Variants in TRDN observed in about 807,000 individuals in gnomAD.
The protein encoded by TRDN is triadin.
In TRDN, 161 loss-of-function variants were observed where a neutral mutation model predicts 149.7. The ratio of observed to expected loss-of-function variants is 1.08; its 90% CI spans 0.95 to 1.23. The LOEUF is 1.23. Ranked by LOEUF, TRDN falls within the 50% of genes most tolerant of loss-of-function variation. The probability of loss-of-function intolerance (pLI) is 0.00; values close to 1 mark genes in which losing one functional copy is unlikely to be tolerated. For synonymous variants in TRDN, 294 were observed against 250.5 expected (o/e 1.17, Z -1.64); for missense variants, 896 against 823.5 (o/e 1.09, Z -1.08).
At chr6:123,262,663 C>T (rs1489381935) in intron 33 of TRDN, among the ~76,000 whole-genome samples, 1 of 151,962 alleles carries the variant, frequency 6.6e-6, no homozygotes, top group Non-Finnish European at 1.5e-5. Flanking sequence ...TATGATTAAG[C>T]CTATTGGTGT....
intron 9 of TRDN, 41 bp downstream of exon 9, chr6:123,497,152 A>C (rs755844286): frequency 1.5e-5 from 22 of 1,445,194 alleles, no homozygotes; most frequent in Non-Finnish European, 2.0e-5. Flanking sequence ...TTAGAAACAA[A>C]GACTATTAAA....
At chr6:123,377,835 T>C (rs185479239) in intron 17 of TRDN, 31 bp downstream of exon 17, 4 of 1,600,980 alleles carry the variant, frequency 2.5e-6, no homozygotes, top group East Asian at 4.5e-5. Context: ...ATTATGAAAT[T>C]GTGAGAACAG....
At chr6:123,343,622 C>T (rs1240631408) in intron 21 of TRDN, among the ~76,000 whole-genome samples, 2 of 151,898 alleles carry the variant, frequency 1.3e-5, no homozygotes, top group African/African-American at 2.4e-5. Context: ...GTGAACTGGA[C>T]TAATTCTTCG....
chr6:123,483,251 T>C (rs565764152), intron 9 of TRDN, among the ~76,000 whole-genome samples: 3 of 151,318 alleles, frequency 2.0e-5, no homozygotes, highest in South Asian at 2.1e-4. Flanking sequence ...TACAGGCGTG[T>C]GCCACCATGC....
chr6:123,274,045 C>T (rs922628369), intron 27 of TRDN, among the ~76,000 whole-genome samples: 4 of 152,046 alleles, frequency 2.6e-5, no homozygotes, highest in African/African-American at 9.7e-5. Flanking sequence ...CTAGCTTCAA[C>T]ATTGATTAAC....
intron 33 of TRDN, among the ~76,000 whole-genome samples, chr6:123,260,905 TA>T (rs1776747614): frequency 6.6e-6 from 1 of 151,650 alleles, no homozygotes. Flanking sequence ...ATAGGTTAGA[TA>T]GAATAAACAA....
intron 24 of TRDN, among the ~76,000 whole-genome samples, chr6:123,287,572 T>C (rs911282363): frequency 6.6e-6 from 1 of 152,148 alleles, no homozygotes; most frequent in East Asian, 1.9e-4. Context: ...GTATATATTA[T>C]GTTTCAGCAA....
chr6:123,518,425 A>C (rs1779515148), intron 5 of TRDN, among the ~76,000 whole-genome samples: 1 of 152,172 alleles, frequency 6.6e-6, no homozygotes. Context: ...GGGGGAACCA[A>C]GTTTGTGTGA....
In TRDN at chr6:123,358,245, C is replaced by A. The variant is rs977517947; in HGVS notation, c.1322-5659G>T. Among the ~76,000 whole-genome samples the A allele has an allele frequency of 4.6e-5, 7 of 152,218 alleles. No homozygotes were observed. In the East Asian group the frequency reaches 1.4e-3, roughly 29 times the overall value. ...GAAATCAAAACTAATGTAAAGGAGACAAAGCAGCTAACACACTTGGTATGT... is the reference window on the plus strand; with the variant it reads ...GAAATCAAAACTAATGTAAAGGAGAAAAAGCAGCTAACACACTTGGTATGT... On this transcript the variant is annotated intron_variant, in intron 20 of 40. Transcript: ENST00000334268.
chr6:123,477,723 T>C (rs1273457235), intron 9 of TRDN, among the ~76,000 whole-genome samples: 1 of 152,098 alleles, frequency 6.6e-6, no homozygotes, highest in Non-Finnish European at 1.5e-5. Flanking sequence ...TGGAATACTA[T>C]GCACCATAAA....
chr6:123,455,611 CTT>C (rs1437638680), intron 10 of TRDN, among the ~76,000 whole-genome samples: 2 of 152,262 alleles, frequency 1.3e-5, no homozygotes, highest in East Asian at 3.9e-4. Context: ...GCACTTATCT[CTT>C]TAGATAACTC....
At chr6:123,435,282 C>T (rs1774507003) in intron 12 of TRDN, among the ~76,000 whole-genome samples, 1 of 151,940 alleles carries the variant, frequency 6.6e-6, no homozygotes, top group Non-Finnish European at 1.5e-5. Flanking sequence ...TGTTCCTCTA[C>T]TTTAGGAAGA....
At chr6:123,531,797 T>C (rs1336635125) in intron 4 of TRDN, among the ~76,000 whole-genome samples, 1 of 152,074 alleles carries the variant, frequency 6.6e-6, no homozygotes, top group Non-Finnish European at 1.5e-5. Context: ...TCTCCAAATT[T>C]TACTCTACAG....
intron 1 of TRDN, among the ~76,000 whole-genome samples, chr6:123,621,245 G>A (rs971584015): frequency 6.6e-6 from 1 of 152,024 alleles, no homozygotes; most frequent in Non-Finnish European, 1.5e-5. Context: ...TTTTCTCTCT[G>A]CTCCTCCAAA....
intron 2 of TRDN, among the ~76,000 whole-genome samples, chr6:123,553,050 T>C (rs763644142): frequency 3.9e-5 from 6 of 152,170 alleles, no homozygotes; most frequent in Non-Finnish European, 8.8e-5. Flanking sequence ...ATACATGAGA[T>C]AATATAGACA....
chr6:123,218,516 C>T lies in TRDN; in HGVS notation c.*85G>A, dbSNP rs537901669. ...GTTTTCACAGAAATTCTCTGGGTTG[C>T]ATATTCTTAATTGCCTGAACTACTG... On this transcript the variant is annotated 3_prime_UTR_variant, in exon 41 of 41. Transcript: ENST00000334268. 6 of 1,462,398 alleles carry T rather than the reference C, an allele frequency of 4.1e-6. No individual in the cohort carries two copies. The South Asian group carries it at 5.5e-5, about 13-fold the overall frequency. 90.6% of individuals were successfully genotyped at this position (1,462,398 alleles called of 1,614,324 possible).
chr6:123,622,327 AC>A (rs1785432981), intron 1 of TRDN, among the ~76,000 whole-genome samples: 1 of 129,358 alleles, frequency 7.7e-6, no homozygotes, highest in African/African-American at 3.1e-5. Context: ...AGACACACAC[AC>A]ACACACACAC....
At chr6:123,526,182 T>G (rs1378212404) in intron 5 of TRDN, among the ~76,000 whole-genome samples, 1 of 152,050 alleles carries the variant, frequency 6.6e-6, no homozygotes, top group African/African-American at 2.4e-5. Flanking sequence ...ATACAGTCTA[T>G]GCATCTTTAT....
intron 12 of TRDN, among the ~76,000 whole-genome samples, chr6:123,434,475 T>G (rs1447060958): frequency 6.6e-6 from 1 of 152,128 alleles, no homozygotes; most frequent in Non-Finnish European, 1.5e-5. Flanking sequence ...ACAGTGCTGG[T>G]GAACAAAGCA....
Sources: gnomAD v4.1 joint callset for allele counts (sites outside exome capture counted in the v4.1 genomes callset) on GRCh38, gnomAD v4.1.1 for gene constraint, MANE v1.5 for transcripts, NCBI Gene and HGNC (gene_info 2026-07-23, HGNC 2026-07-21) for gene names.